The following PARD3B variants were observed in gnomAD, a reference collection of about 807,000 sequenced individuals.
PARD3B encodes par-3 family cell polarity regulator beta, also known as partitioning defective 3 homolog B.
A neutral mutation model predicts 130.2 loss-of-function variants in PARD3B; 103 were observed. The observed-to-expected ratio is 0.79, with a 90% CI of 0.67 to 0.93. The LOEUF is 0.93. Ranked by LOEUF, PARD3B falls within the 40% of genes least tolerant of loss-of-function variation. PARD3B has a pLI of 0.00. For synonymous variants in PARD3B, 583 were observed against 553.2 expected, an observed-to-expected ratio of 1.05 and a Z score of -0.76; for missense variants, 1,609 against 1,499.2, an observed-to-expected ratio of 1.07 and a Z score of -1.21.
intron 11 of PARD3B, 56 bp from the exon 12 acceptor site, chr2:205,172,155 C>G: frequency 6.6e-7 from 1 of 1,522,848 alleles, no homozygotes; most frequent in South Asian, 1.2e-5. Context: ...CAAAACGCCA[C>G]ATGTCATCAC....
intron 15 of PARD3B, among the ~76,000 whole-genome samples, chr2:205,203,927 C>T (rs184390848): frequency 6.6e-6 from 1 of 152,296 alleles, no homozygotes; most frequent in East Asian, 1.9e-4. Flanking sequence ...GTACATGTCT[C>T]TTCAGAGTAG....
chr2:205,298,685 C>T (rs575616178), intron 16 of PARD3B, among the ~76,000 whole-genome samples: 14 of 152,208 alleles, frequency 9.2e-5, no homozygotes, highest in Admixed American at 2.0e-4. Flanking sequence ...GAAACTATAA[C>T]GCAACATCCA....
intron 2 of PARD3B, among the ~76,000 whole-genome samples, chr2:204,959,015 T>A (rs1396990776): frequency 6.6e-6 from 1 of 152,140 alleles, no homozygotes. Context: ...AACGTGCAGG[T>A]TTGTTACTTA....
chr2:205,201,996 T>C lies in PARD3B; in HGVS notation c.2140+8676T>C, dbSNP rs534372424. ...GATGAAAAGTTGAATTTAGAGAACC[T>C]ACCTGTCAGAACTCAGGCTGAATTC... On this transcript the variant is annotated intron_variant, in intron 15 of 22. Transcript: ENST00000406610. Among the ~76,000 whole-genome samples the C allele has an allele frequency of 6.3e-4, 96 of 152,284 alleles. 1 individual carries two copies. The highest frequency in any genetic ancestry group is 2.2e-3 in the African/African-American group (92 of 41,550).
intron 18 of PARD3B, among the ~76,000 whole-genome samples, chr2:205,319,391 A>C (rs1177590507): frequency 6.6e-6 from 1 of 152,202 alleles, no homozygotes; most frequent in Non-Finnish European, 1.5e-5. Context: ...TCTCTAGAAC[A>C]CTTGATTCTG....
chr2:204,875,061 G>A (rs2045783067), intron 2 of PARD3B, among the ~76,000 whole-genome samples: 1 of 151,950 alleles, frequency 6.6e-6, no homozygotes, highest in Non-Finnish European at 1.5e-5. Flanking sequence ...ATCTTTTTAT[G>A]CTTTTTAAAG....
intron 1 of PARD3B, among the ~76,000 whole-genome samples, chr2:204,553,644 A>G (rs1333333531): frequency 1.0e-5 from 1 of 96,934 alleles, no homozygotes; most frequent in Non-Finnish European, 2.0e-5. Context: ...ATATATTTAT[A>G]TATATCCATA....
At chr2:205,492,372 G>T (rs944444046) in intron 20 of PARD3B, among the ~76,000 whole-genome samples, 1 of 152,066 alleles carries the variant, frequency 6.6e-6, no homozygotes, top group African/African-American at 2.4e-5. Context: ...AGTAAACAAA[G>T]ACCCCTTAAT....
chr2:204,844,132 C>G (rs1257827349), intron 2 of PARD3B, among the ~76,000 whole-genome samples: 1 of 152,150 alleles, frequency 6.6e-6, no homozygotes, highest in East Asian at 1.9e-4. Flanking sequence ...ACAAATAAGC[C>G]TTTCCCAAAG....
At chr2:204,753,583 C>T (rs556331315) in intron 2 of PARD3B, among the ~76,000 whole-genome samples, 2 of 152,208 alleles carry the variant, frequency 1.3e-5, no homozygotes, top group African/African-American at 4.8e-5. Flanking sequence ...CTAGTTCCAG[C>T]TGTGTAATCA....
chr2:205,211,490 C>T (rs1030690817), intron 15 of PARD3B, among the ~76,000 whole-genome samples: 4 of 151,870 alleles, frequency 2.6e-5, no homozygotes, highest in African/African-American at 9.7e-5. Context: ...AGTGGAAATA[C>T]TCTCATGAAC....
At chr2:205,193,403 C>T in intron 15 of PARD3B, 83 bp downstream of exon 15, 3 of 1,037,054 alleles carry the variant, frequency 2.9e-6, no homozygotes, top group Non-Finnish European at 4.4e-6. Context: ...TTTGTTTCTT[C>T]AACTCAAACC....
At chr2:204,800,789 G>C (rs1053104722) in intron 2 of PARD3B, among the ~76,000 whole-genome samples, 1 of 152,174 alleles carries the variant, frequency 6.6e-6, no homozygotes, top group African/African-American at 2.4e-5. Context: ...CTTTGCCCAT[G>C]CCTATGTCCT....
Position 205,473,066 on chromosome 2 carries a change from A to G in PARD3B, c.3045-26830A>G, listed in dbSNP as rs2048894596. ...TTTGAGCTAGAAGCTTGGCAATTTT[A>G]CAAATTCTAGCAACTTCTTAAGAAG... On this transcript the variant is annotated intron_variant, in intron 20 of 22. Coordinates refer to ENST00000406610, the MANE Select transcript of PARD3B (RefSeq NM_001302769.2). This position sits in a 1 kb window ranked among gnomAD's most constrained non-coding sequence, Gnocchi z 4.9. Among the ~76,000 whole-genome samples the G allele has an allele frequency of 6.6e-6, 1 of 152,184 alleles. No homozygotes were observed. The highest frequency in any genetic ancestry group is 2.4e-5 in the African/African-American group (1 of 41,466).
intron 10 of PARD3B, among the ~76,000 whole-genome samples, chr2:205,155,989 A>G (rs1227042614): frequency 2.6e-5 from 4 of 152,138 alleles, no homozygotes; most frequent in African/African-American, 9.7e-5. Context: ...ACTATTCACA[A>G]TAGCAAAGAC....
intron 2 of PARD3B, among the ~76,000 whole-genome samples, chr2:204,908,799 G>A (rs546771857): frequency 7.9e-5 from 12 of 152,248 alleles, no homozygotes; most frequent in South Asian, 6.2e-4. Context: ...CCAGAATAAC[G>A]TTTATGTAAA....
chr2:204,708,375 A>G (rs1169765886), intron 2 of PARD3B, among the ~76,000 whole-genome samples: 1 of 152,192 alleles, frequency 6.6e-6, no homozygotes, highest in South Asian at 2.1e-4. Flanking sequence ...AATATATTTC[A>G]TATAGAAGAA....
At chr2:204,735,070 G>A (rs2039687167) in intron 2 of PARD3B, among the ~76,000 whole-genome samples, 5 of 145,176 alleles carry the variant, frequency 3.4e-5, no homozygotes, top group Non-Finnish European at 5.9e-5. Flanking sequence ...TTTTAAAATC[G>A]TTACAGTAGC....
rs1032213259 is a variant in PARD3B, at chr2:205,146,714, A to G, written c.1435-12008A>G. ...ATCTTATGTTCATATAAAAGGACAC[A>G]TTCTTTTTTTATTTTTTGTTTTTTT... On this transcript the variant is annotated intron_variant, in intron 10 of 22. Coordinates refer to ENST00000406610, the MANE Select transcript of PARD3B (RefSeq NM_001302769.2). The surrounding 1 kb of genome is among the most constrained non-coding windows in gnomAD (Gnocchi z 4.3). 1.3e-5 allele frequency among the ~76,000 whole-genome samples: 2 copies of G among 151,958 alleles called. No individual in the cohort carries two copies. The highest frequency in any genetic ancestry group is 4.8e-5 in the African/African-American group (2 of 41,384).
Sources: allele counts gnomAD v4.1 joint callset (sites outside exome capture counted in the v4.1 genomes callset), GRCh38; gene constraint gnomAD v4.1.1; non-coding constraint Gnocchi (gnomAD v3.1); transcripts MANE v1.5; gene names NCBI Gene and HGNC (gene_info 2026-07-23, HGNC 2026-07-21).